The following NPHP4 variants were observed in gnomAD, a reference collection of about 807,000 sequenced individuals.
NPHP4 encodes the protein nephrocystin-4.
NPHP4 carries 151 observed loss-of-function variants against 155.8 expected under a neutral mutation model. That is an observed-to-expected ratio of 0.97 (90% CI 0.85 to 1.11). NPHP4 has a LOEUF of 1.11. Ranked by LOEUF, NPHP4 falls within the 50% of genes least tolerant of loss-of-function variation. The pLI is 0.00. For synonymous variants in NPHP4, 845 were observed against 816.8 expected, an observed-to-expected ratio of 1.03 and a Z score of -0.59; for missense variants, 1,956 against 1,925.7, an observed-to-expected ratio of 1.02 and a Z score of -0.29.
chr1:5,971,599 C>A (rs1233619825), intron 3 of NPHP4, among the ~76,000 whole-genome samples: 1 of 152,212 alleles, frequency 6.6e-6, no homozygotes, highest in Non-Finnish European at 1.5e-5. Flanking sequence ...CATGGCTGCA[C>A]CCCTCGGGTC....
rs761596025 is a variant in NPHP4, at chr1:5,862,814, G to C, written c.*451C>G. ...CTCAAGAAAACTGCCAAGGGAAGAC[G>C]TGTAAAAGTTTAGTATTTTGTTCAA... On this transcript the variant is annotated 3_prime_UTR_variant, in exon 30 of 30. Coordinates refer to ENST00000378156, the MANE Select transcript of NPHP4 (RefSeq NM_015102.5). The C allele has an allele frequency of 1.1e-5, 2 of 178,086 alleles. No individual in the cohort carries two copies. The highest frequency in any genetic ancestry group is 1.1e-4 in the Admixed American group (2 of 17,836). The allele number at this position is 178,086 out of a possible 1,614,324, so 11.0% of individuals were successfully genotyped here.
chr1:5,887,277 G>C lies in NPHP4; in HGVS notation c.2485+9C>G. The stretch of plus-strand genomic sequence containing the variant: ...GCTGGAGAAATGGCACAAGGCTGGG[G>C]ACTCTTACCCACGTTGGCCAAAGTC... On this transcript the variant is annotated intron_variant, in intron 18 of 29. Coordinates refer to ENST00000378156, the MANE Select transcript of NPHP4 (RefSeq NM_015102.5). 1.2e-6 allele frequency: 2 copies of C among 1,609,922 alleles called. No individual in the cohort carries two copies. The highest frequency in any genetic ancestry group is 2.2e-5 in the East Asian group (1 of 44,748).
In NPHP4 at chr1:5,957,440, C is replaced by T. The variant is rs1206193972; in HGVS notation, c.673+4354G>A. 1.1e-4 allele frequency among the ~76,000 whole-genome samples: 17 copies of T among 152,184 alleles called. 1 individual carries two copies. The highest frequency in any genetic ancestry group is 1.1e-3 in the Admixed American group (17 of 15,286). Reference sequence around the variant, plus strand: ...TAGGGATATTTAATTCAGCAGAATGCACCTCAGAAACAAGACCACTGCAAC... The same window carrying T: ...TAGGGATATTTAATTCAGCAGAATGTACCTCAGAAACAAGACCACTGCAAC... On this transcript the variant is annotated intron_variant, in intron 6 of 29. Transcript: ENST00000378156.
chr1:5,875,017 G>A lies in NPHP4; in HGVS notation c.2901C>T (p.Ile967=), dbSNP rs764788201. 1.9e-5 allele frequency: 30 copies of A among 1,610,986 alleles called. No individual in the cohort carries two copies. Among genetic ancestry groups the A allele is most frequent in the Middle Eastern group, 1.6e-4 (1 of 6,078 alleles). The part of the protein sequence containing the change: ...AYRERTKAES[I]ASLLSLAITT... ...TGATGGCCAGGCTCAGCAGGCTGGCGATGCTCTCGGCCTTCGTGCGTTCCC... is the reference window on the plus strand; with the variant it reads ...TGATGGCCAGGCTCAGCAGGCTGGCAATGCTCTCGGCCTTCGTGCGTTCCC... Residue 967 remains isoleucine (I), a synonymous_variant, in exon 21 of 30, where the codon ATC becomes ATT. Transcript: ENST00000378156.
rs550838149 is a variant in NPHP4 at position 5,890,203 on chromosome 1, G to A, written c.2304+665C>T. On this transcript the variant is annotated intron_variant, in intron 17 of 29. Transcript: ENST00000378156. This position sits in a 1 kb window ranked among gnomAD's most constrained non-coding sequence, Gnocchi z 4.9. ...GAGACTCAGGGGCTGCAATAATGAC[G>A]CCACATCCTCTCCCAGCTCCGTCCC... 2.6e-5 allele frequency among the ~76,000 whole-genome samples: 4 copies of A among 152,232 alleles called. No homozygotes were observed. Among genetic ancestry groups the A allele is most frequent in the African/African-American group, 7.2e-5 (3 of 41,528 alleles).
At chr1:5,987,581 A>C (rs1333246400) in intron 1 of NPHP4, among the ~76,000 whole-genome samples, 1 of 152,178 alleles carries the variant, frequency 6.6e-6, no homozygotes, top group Non-Finnish European at 1.5e-5. Context: ...GCTTCAAGTA[A>C]GAACATCCTT....
rs1644057548 is a variant in NPHP4, at chr1:5,890,370, T to C, written c.2304+498A>G. Among the ~76,000 whole-genome samples the C allele has an allele frequency of 6.6e-6, 1 of 152,040 alleles. No individual in the cohort carries two copies. The highest frequency in any genetic ancestry group is 2.1e-4 in the South Asian group (1 of 4,820). ...CAGGGAAGACGAGTGAAAGAATCCA[T>C]GGATTTAGGTTTTAGTATACAAGGA... On this transcript the variant is annotated intron_variant, in intron 17 of 29. Coordinates refer to ENST00000378156, the MANE Select transcript of NPHP4 (RefSeq NM_015102.5). This position sits in a 1 kb window ranked among gnomAD's most constrained non-coding sequence, Gnocchi z 4.9.
chr1:5,870,866 A>G (rs1047329828), intron 23 of NPHP4, among the ~76,000 whole-genome samples: 16 of 152,224 alleles, frequency 1.1e-4, no homozygotes, highest in African/African-American at 3.9e-4. Flanking sequence ...CAACAGCTGC[A>G]GCCACGCCAG....
At chr1:5,958,976 C>T (rs1315734991) in intron 6 of NPHP4, among the ~76,000 whole-genome samples, 2 of 146,966 alleles carry the variant, frequency 1.4e-5, no homozygotes, top group Non-Finnish European at 3.0e-5. Flanking sequence ...ACTGGCACCC[C>T]AAACACAACA....
intron 18 of NPHP4, among the ~76,000 whole-genome samples, chr1:5,885,393 G>A (rs897583898): frequency 2.6e-5 from 4 of 151,968 alleles, no homozygotes; most frequent in Non-Finnish European, 5.9e-5. Flanking sequence ...GCTCCCAGCC[G>A]AACCCATCCT....
At chr1:5,872,167 AAG>A (rs1481132744) in intron 23 of NPHP4, among the ~76,000 whole-genome samples, 3 of 152,218 alleles carry the variant, frequency 2.0e-5, no homozygotes, top group Admixed American at 6.5e-5. Flanking sequence ...TCACAGCATA[AAG>A]AGACAACAGA....
At chr1:5,965,752 C>T (rs948159912) in intron 5 of NPHP4, among the ~76,000 whole-genome samples, 3 of 152,114 alleles carry the variant, frequency 2.0e-5, no homozygotes, top group South Asian at 2.1e-4. Context: ...GAGACTCCAT[C>T]GCTGCTGCTG....
At position 5,907,875 on chromosome 1, in the gene NPHP4, G is replaced by A. The variant is rs532021315; in HGVS notation, c.1504-653C>T. On this transcript the variant is annotated intron_variant, in intron 12 of 29. Transcript: ENST00000378156. Reference sequence around the variant, plus strand: ...CTGGCTAGGGTTTGGCATAGTACCTGGCACACGGTGAGCCTTCTATAAATA... The same window carrying A: ...CTGGCTAGGGTTTGGCATAGTACCTAGCACACGGTGAGCCTTCTATAAATA... 3.3e-5 allele frequency among the ~76,000 whole-genome samples: 5 copies of A among 152,322 alleles called. No individual in the cohort carries two copies. The South Asian group carries it at 1.0e-3, about 32-fold the overall frequency.
intron 6 of NPHP4, 66 bp from the exon 7 acceptor site, chr1:5,952,902 G>C: frequency 6.8e-7 from 1 of 1,469,918 alleles, no homozygotes; most frequent in Non-Finnish European, 9.1e-7. Flanking sequence ...AGCCACCGAG[G>C]GTCCCTACCC....
In NPHP4 at chr1:5,889,075, G is replaced by A. The variant is rs547826527; in HGVS notation, c.2305-1609C>T. ...TCACACTGAAGGCAGCACAGGAGCC[G>A]TCCGTCCCTAGAGGAAACTCTTCTC... On this transcript the variant is annotated intron_variant, in intron 17 of 29. Transcript: ENST00000378156. This position sits in a 1 kb window ranked among gnomAD's most constrained non-coding sequence, Gnocchi z 4.2. 5.9e-5 allele frequency among the ~76,000 whole-genome samples: 9 copies of A among 152,314 alleles called. No homozygotes were observed. The highest frequency in any genetic ancestry group is 1.3e-4 in the Admixed American group (2 of 15,304).
chr1:5,874,693 T>C, intron 21 of NPHP4, 36 bp from the exon 22 acceptor site: 1 of 1,601,402 alleles, frequency 6.2e-7, no homozygotes, highest in African/African-American at 1.3e-5. Flanking sequence ...AGGGCAGTTC[T>C]TCCCAGGAGG....
At chr1:5,918,686 G>A (rs6683754) in intron 11 of NPHP4, among the ~76,000 whole-genome samples, 7 of 152,286 alleles carry the variant, frequency 4.6e-5, no homozygotes, top group East Asian at 1.9e-4. Context: ...AATCACAGGC[G>A]CATACTGAAT....
In NPHP4 at chr1:5,961,784, A is replaced by C; in HGVS notation, c.673+10T>G. On this transcript the variant is annotated intron_variant, in intron 6 of 29. Transcript: ENST00000378156. ...CCTCACCAAGTGGAGAGAATCAAAG[A>C]CGCCCTTACCGGATTCTCCATGAGC... 1 of 1,607,930 alleles carries C rather than the reference A, an allele frequency of 6.2e-7. No individual in the cohort carries two copies. Among genetic ancestry groups the C allele is most frequent in the Non-Finnish European group, 8.5e-7 (1 of 1,177,118 alleles).
chr1:5,893,550 T>A (rs577255285), intron 16 of NPHP4, among the ~76,000 whole-genome samples: 2 of 152,324 alleles, frequency 1.3e-5, no homozygotes, highest in African/African-American at 4.8e-5. Context: ...TTGCTCCTGC[T>A]ATCTAGAAGG....
Sources: gnomAD v4.1 joint callset for allele counts (sites outside exome capture counted in the v4.1 genomes callset) on GRCh38, gnomAD v4.1.1 for gene constraint, Gnocchi (gnomAD v3.1) non-coding constraint, MANE v1.5 for transcripts, NCBI Gene and HGNC (gene_info 2026-07-23, HGNC 2026-07-21) for gene names.